MARCHF1: variants seen among roughly 807,000 people sequenced by gnomAD.
The protein encoded by MARCHF1 is E3 ubiquitin-protein ligase MARCHF1.
Under a neutral mutation model 54.2 loss-of-function variants are expected in MARCHF1, and 40 were observed. The observed-to-expected ratio is 0.74, with a 90% CI of 0.57 to 0.96. The LOEUF is 0.96. Ranked by LOEUF, MARCHF1 falls within the 40% of genes least tolerant of loss-of-function variation. The pLI, the probability that MARCHF1 is intolerant of heterozygous loss-of-function variation, is 0.00. For missense variants in MARCHF1, 586 were observed against 656.5 expected (o/e 0.89, Z 1.17); for synonymous variants, 236 against 236.3 (o/e 1.00, Z 0.01).
chr4:164,332,423 T>C (rs1373435745), intron 1 of MARCHF1, among the ~76,000 whole-genome samples: 1 of 152,170 alleles, frequency 6.6e-6, no homozygotes, highest in Non-Finnish European at 1.5e-5. Context: ...GCTCAGGAAA[T>C]GGATCTCTGA....
intron 4 of MARCHF1, among the ~76,000 whole-genome samples, chr4:163,829,872 T>G (rs181336889): frequency 1.0e-3 from 158 of 152,314 alleles, no homozygotes; most frequent in African/African-American, 3.6e-3. Context: ...CTTCTCACCT[T>G]TCCCAGCAGA....
chr4:163,711,231 G>T (rs1745097133), intron 4 of MARCHF1, among the ~76,000 whole-genome samples: 1 of 152,072 alleles, frequency 6.6e-6, no homozygotes, highest in Non-Finnish European at 1.5e-5. Context: ...AAACAAAATG[G>T]AAAGACCCAT....
At chr4:163,742,777 C>T (rs1746246988) in intron 4 of MARCHF1, among the ~76,000 whole-genome samples, 1 of 152,096 alleles carries the variant, frequency 6.6e-6, no homozygotes, top group East Asian at 1.9e-4. Flanking sequence ...ACTGGAATAC[C>T]AAAGATTCTG....
intron 4 of MARCHF1, among the ~76,000 whole-genome samples, chr4:163,714,675 C>G (rs955975680): frequency 6.6e-6 from 1 of 151,896 alleles, no homozygotes; most frequent in Non-Finnish European, 1.5e-5. Flanking sequence ...TTTTATTTTT[C>G]TTTTTATTCT....
In MARCHF1 at chr4:163,917,058, T is replaced by C. The variant is rs905839979; in HGVS notation, c.-38-62889A>G. 2.0e-5 allele frequency among the ~76,000 whole-genome samples: 3 copies of C among 152,170 alleles called. No homozygotes were observed. In the East Asian group the frequency reaches 5.8e-4, roughly 29 times the overall value. ...ACTGATCCTTTTGCTATCTCCATAG[T>C]TTTGCTGTTTCCAGAATGTTCTATG... On this transcript the variant is annotated intron_variant, in intron 3 of 9. Transcript: ENST00000514618.
At chr4:164,035,708 C>G (rs559908280) in intron 2 of MARCHF1, among the ~76,000 whole-genome samples, 1 of 150,882 alleles carries the variant, frequency 6.6e-6, no homozygotes, top group Admixed American at 6.6e-5. Context: ...AATAAGGGTA[C>G]TGAAATCAAA....
intron 3 of MARCHF1, among the ~76,000 whole-genome samples, chr4:163,960,639 C>T (rs1483187955): frequency 6.6e-6 from 1 of 151,766 alleles, no homozygotes; most frequent in African/African-American, 2.4e-5. Context: ...GAACAACAGA[C>T]ACTGGTGTCT....
intron 4 of MARCHF1, among the ~76,000 whole-genome samples, chr4:163,768,738 T>G (rs528102656): frequency 6.6e-6 from 1 of 152,312 alleles, no homozygotes; most frequent in South Asian, 2.1e-4. Context: ...GTAATATGTT[T>G]CTGAAAACTA....
Position 163,572,318 on chromosome 4 carries a change from CCTT to C in MARCHF1, c.1191+13428_1191+13430del, listed in dbSNP as rs977759768. Among the ~76,000 whole-genome samples the C allele has an allele frequency of 7.8e-4, 44 of 56,592 alleles. No individual in the cohort carries two copies. In the East Asian group the frequency reaches 0.028, roughly 36 times the overall value. 37.1% of individuals were successfully genotyped at this position (56,592 alleles called of 152,430 possible). On this transcript the variant is annotated intron_variant, in intron 8 of 9. Coordinates refer to ENST00000514618, the MANE Select transcript of MARCHF1 (RefSeq NM_001394959.1). ...CATTTGAATGTTAGGTCTCTTTCTT[CCTT>C]TTTTTTTTTTTTTAAATAAATTGAT...
intron 1 of MARCHF1, among the ~76,000 whole-genome samples, chr4:164,179,150 G>T (rs931820891): frequency 6.6e-6 from 1 of 152,048 alleles, no homozygotes; most frequent in African/African-American, 2.4e-5. Context: ...GTTTGCCAGG[G>T]GCATAATCCC....
chr4:164,121,131 G>A (rs951354790), intron 1 of MARCHF1, among the ~76,000 whole-genome samples: 1 of 152,016 alleles, frequency 6.6e-6, no homozygotes, highest in Non-Finnish European at 1.5e-5. Context: ...AAATAAAAAA[G>A]GAGATATTAC....
At chr4:164,231,929 G>A (rs1732424470) in intron 1 of MARCHF1, among the ~76,000 whole-genome samples, 1 of 152,044 alleles carries the variant, frequency 6.6e-6, no homozygotes, top group Non-Finnish European at 1.5e-5. Flanking sequence ...CAATTAAAAT[G>A]ATTGAATTAC....
intron 1 of MARCHF1, among the ~76,000 whole-genome samples, chr4:164,360,265 G>GTGGC (rs1246529774): frequency 2.0e-5 from 3 of 152,058 alleles, no homozygotes; most frequent in Non-Finnish European, 1.5e-5. Context: ...GATACTGCAG[G>GTGGC]TGGCTATCTT....
At chr4:164,256,113 G>A (rs140392690) in intron 1 of MARCHF1, among the ~76,000 whole-genome samples, 1 of 151,022 alleles carries the variant, frequency 6.6e-6, no homozygotes, top group Admixed American at 6.6e-5. Flanking sequence ...CAACATAGTG[G>A]TACCCTACAA....
intron 1 of MARCHF1, among the ~76,000 whole-genome samples, chr4:164,158,275 T>G (rs923656964): frequency 6.6e-6 from 1 of 152,204 alleles, no homozygotes; most frequent in Non-Finnish European, 1.5e-5. Context: ...GAGGACAAAT[T>G]CATTTTTAAA....
chr4:164,001,049 A>G (rs1052203282), intron 2 of MARCHF1, among the ~76,000 whole-genome samples: 15 of 151,820 alleles, frequency 9.9e-5, no homozygotes, highest in Non-Finnish European at 8.9e-5. Context: ...AGACAATATT[A>G]AAATTATTAT....
Position 163,755,819 on chromosome 4 carries a change from C to T in MARCHF1, c.112-54956G>A, listed in dbSNP as rs750956636. Reference sequence around the variant, plus strand: ...ATAACACTGGTGCTAAATGAGAGATCCCCTGGAACATATAGACAACTATGT... The same window carrying T: ...ATAACACTGGTGCTAAATGAGAGATTCCCTGGAACATATAGACAACTATGT... On this transcript the variant is annotated intron_variant, in intron 4 of 9. Transcript: ENST00000514618. Among the ~76,000 whole-genome samples the T allele has an allele frequency of 2.7e-4, 41 of 152,102 alleles. 1 individual carries two copies. Among genetic ancestry groups the T allele is most frequent in the Non-Finnish European group, 5.0e-4 (34 of 68,016 alleles).
chr4:163,638,459 G>A (rs1290679692), intron 5 of MARCHF1, among the ~76,000 whole-genome samples: 1 of 151,936 alleles, frequency 6.6e-6, no homozygotes. Context: ...GAGTACTAAC[G>A]CCTGCTTTGC....
At chr4:164,368,376 T>A (rs1730940392) in intron 1 of MARCHF1, among the ~76,000 whole-genome samples, 1 of 151,856 alleles carries the variant, frequency 6.6e-6, no homozygotes, top group African/African-American at 2.4e-5. Context: ...AAGACACTTA[T>A]AATGATTATT....
Sources: gnomAD v4.1 joint callset for allele counts (sites outside exome capture counted in the v4.1 genomes callset) on GRCh38, gnomAD v4.1.1 for gene constraint, MANE v1.5 for transcripts, NCBI Gene and HGNC (gene_info 2026-07-23, HGNC 2026-07-21) for gene names.